The following ERC2 variants were observed in gnomAD, a reference collection of about 807,000 sequenced individuals.
ERC2 encodes ERC protein 2.
ERC2 carries 42 observed loss-of-function variants against 114.8 expected under a neutral mutation model. The observed-to-expected ratio is 0.37, with a 90% CI of 0.29 to 0.47. ERC2 has a LOEUF of 0.47. Ranked by LOEUF, ERC2 falls within the 20% of genes least tolerant of loss-of-function variation. The pLI is 0.99. For missense variants in ERC2, 939 were observed against 1,150.7 expected (o/e 0.82, Z 2.66); for synonymous variants, 454 against 425.5 (o/e 1.07, Z -0.82).
chr3:56,267,795 A>AC (rs1427495045), intron 3 of ERC2, among the ~76,000 whole-genome samples: 1 of 152,064 alleles, frequency 6.6e-6, no homozygotes, highest in Non-Finnish European at 1.5e-5. Context: ...AAAACAAAAC[A>AC]AAAAAACAGG....
intron 13 of ERC2, among the ~76,000 whole-genome samples, chr3:55,923,841 C>G (rs1170849879): frequency 6.6e-6 from 1 of 152,142 alleles, no homozygotes; most frequent in African/African-American, 2.4e-5. Context: ...GATTACAGCA[C>G]TGCCTTGCAC....
chr3:56,220,902 C>T (rs1210188572), intron 3 of ERC2, among the ~76,000 whole-genome samples: 2 of 151,496 alleles, frequency 1.3e-5, no homozygotes, highest in South Asian at 2.1e-4. Context: ...GGTTCTGATA[C>T]TGAAAAAAAG....
At chr3:55,767,695 G>A (rs2067906393) in intron 14 of ERC2, among the ~76,000 whole-genome samples, 1 of 152,338 alleles carries the variant, frequency 6.6e-6, no homozygotes, top group East Asian at 1.9e-4. Flanking sequence ...TTCTCCGGGA[G>A]TACACTAAAG....
intron 7 of ERC2, among the ~76,000 whole-genome samples, chr3:56,046,395 C>T (rs2149673999): frequency 6.6e-6 from 1 of 152,288 alleles, no homozygotes; most frequent in Middle Eastern, 3.4e-3. Context: ...TTGCACCTTC[C>T]TTAAGAACAG....
At chr3:55,524,119 T>C (rs957431170) in intron 17 of ERC2, among the ~76,000 whole-genome samples, 3 of 152,188 alleles carry the variant, frequency 2.0e-5, no homozygotes, top group Non-Finnish European at 2.9e-5. Flanking sequence ...TAAAGTCCCT[T>C]ACTAATGGCT....
At chr3:56,033,030 C>CAGAAAGAAAGAA (rs71099612) in intron 7 of ERC2, among the ~76,000 whole-genome samples, 1,752 of 65,102 alleles carry the variant, frequency 0.027, 83 homozygotes, top group African/African-American at 0.035. Context: ...AAAAAAGAAA[C>CAGAAAGAAAGAA]AGAAAGAAAG....
chr3:56,210,974 G>T (rs549681945), intron 3 of ERC2, among the ~76,000 whole-genome samples: 36 of 152,256 alleles, frequency 2.4e-4, no homozygotes, highest in African/African-American at 7.9e-4. Context: ...GGGGGCAAAA[G>T]TTGGTTCTTA....
chr3:56,349,768 C>A (rs1292215990), intron 2 of ERC2, among the ~76,000 whole-genome samples: 1 of 152,072 alleles, frequency 6.6e-6, no homozygotes, highest in African/African-American at 2.4e-5. Flanking sequence ...CAAAAATTAG[C>A]CAGGCTTGGT....
At chr3:56,310,316 T>C (rs2056465017) in intron 2 of ERC2, among the ~76,000 whole-genome samples, 1 of 152,234 alleles carries the variant, frequency 6.6e-6, no homozygotes, top group South Asian at 2.1e-4. Flanking sequence ...ATATTAACAG[T>C]CACAGCCATA....
intron 14 of ERC2, among the ~76,000 whole-genome samples, chr3:55,739,138 T>C (rs186894802): frequency 9.6e-4 from 146 of 152,344 alleles, no homozygotes; most frequent in African/African-American, 3.4e-3. Flanking sequence ...ATGTGCCACA[T>C]TTTCTTTATC....
At chr3:55,741,993 T>C (rs958952087) in intron 14 of ERC2, among the ~76,000 whole-genome samples, 15 of 152,022 alleles carry the variant, frequency 9.9e-5, no homozygotes, top group Admixed American at 9.8e-4. Context: ...GATAAAAATA[T>C]GTGCAAGAAC....
intron 17 of ERC2, among the ~76,000 whole-genome samples, chr3:55,577,671 C>T (rs2057052881): frequency 1.3e-5 from 2 of 152,160 alleles, no homozygotes; most frequent in Admixed American, 6.5e-5. Flanking sequence ...CCCAAACAGA[C>T]CCCAGGCATG....
chr3:56,100,382 A>G (rs1343739139), intron 6 of ERC2, among the ~76,000 whole-genome samples: 1 of 152,174 alleles, frequency 6.6e-6, no homozygotes, highest in Non-Finnish European at 1.5e-5. Flanking sequence ...TAAGCAAGCA[A>G]GAACCAAGCA....
intron 2 of ERC2, among the ~76,000 whole-genome samples, chr3:56,404,689 A>T (rs776209106): frequency 1.3e-5 from 2 of 151,860 alleles, no homozygotes; most frequent in African/African-American, 2.4e-5. Flanking sequence ...ATAAACATAT[A>T]CACCTACTAT....
chr3:55,977,848 A>G (rs548066445), intron 12 of ERC2, among the ~76,000 whole-genome samples: 1 of 152,344 alleles, frequency 6.6e-6, no homozygotes, highest in Non-Finnish European at 1.5e-5. Context: ...AGACAGACTC[A>G]ATTAAATAGT....
intron 4 of ERC2, among the ~76,000 whole-genome samples, chr3:56,160,848 T>C (rs555549167): frequency 6.6e-6 from 1 of 152,326 alleles, no homozygotes; most frequent in South Asian, 2.1e-4. Flanking sequence ...TGTCTGTTTT[T>C]ATACCAATAC....
At chr3:55,828,457 T>TGCCAGCAGG (rs2060424038) in intron 14 of ERC2, among the ~76,000 whole-genome samples, 1 of 126,234 alleles carries the variant, frequency 7.9e-6, no homozygotes, top group African/African-American at 3.1e-5. Context: ...GGAGTGTAGC[T>TGCCAGCAGG]GGCAGCAGGG....
At chr3:56,102,536 G>A (rs1043867355) in intron 6 of ERC2, among the ~76,000 whole-genome samples, 7 of 152,138 alleles carry the variant, frequency 4.6e-5, no homozygotes, top group African/African-American at 1.7e-4. Context: ...TCAGCAATGA[G>A]GAATATATTG....
intron 14 of ERC2, among the ~76,000 whole-genome samples, chr3:55,788,852 T>C (rs1377712356): frequency 6.6e-6 from 1 of 152,222 alleles, no homozygotes; most frequent in South Asian, 2.1e-4. Context: ...GATAGCTCCA[T>C]GAATTTTCAC....
Sources: gnomAD v4.1 joint callset for allele counts (sites outside exome capture counted in the v4.1 genomes callset) on GRCh38, gnomAD v4.1.1 for gene constraint, MANE v1.5 for transcripts, NCBI Gene and HGNC (gene_info 2026-07-23, HGNC 2026-07-21) for gene names.